ROCK1: variants seen among roughly 807,000 people sequenced by gnomAD.
ROCK1 encodes rho-associated protein kinase 1.
A neutral mutation model predicts 196.8 loss-of-function variants in ROCK1; 36 were observed. The ratio of observed to expected loss-of-function variants is 0.18; its 90% CI spans 0.14 to 0.24. The LOEUF is 0.24. ROCK1 is among the 10% of genes least tolerant of loss of function. The pLI is 1.00. For missense variants in ROCK1, 920 were observed against 1,562.0 expected, an observed-to-expected ratio of 0.59 and a Z score of 6.93; for synonymous variants, 443 against 515.9, an observed-to-expected ratio of 0.86 and a Z score of 1.91.
chr18:21,059,436 C>T (rs745631384), intron 2 of ROCK1, among the ~76,000 whole-genome samples: 34 of 152,220 alleles, frequency 2.2e-4, no homozygotes, highest in Admixed American at 1.8e-3. Context: ...TCTTCTATTA[C>T]GTTGTATGTC....
chr18:21,020,769 AATATG>A (rs1383406163), intron 11 of ROCK1, among the ~76,000 whole-genome samples: 1 of 152,218 alleles, frequency 6.6e-6, no homozygotes, highest in African/African-American at 2.4e-5. Context: ...GGCAGAAGAA[AATATG>A]ATATATTTGG....
Position 20,948,390 on chromosome 18 carries a change from A to C in ROCK1, c.*2994T>G, listed in dbSNP as rs2035149979. 6.6e-6 allele frequency: 1 copy of C among 151,226 alleles called. No homozygotes were observed. The highest frequency in any genetic ancestry group is 6.6e-5 in the Admixed American group (1 of 15,252). 9.4% of individuals were successfully genotyped at this position (151,226 alleles called of 1,614,324 possible). A position where few individuals can be genotyped will look rare whatever the true frequency, so the allele number is the denominator to read the frequency against. On this transcript the variant is annotated 3_prime_UTR_variant, in exon 33 of 33. Coordinates refer to ENST00000399799, the MANE Select transcript of ROCK1 (RefSeq NM_005406.3). ...TGATCTCTACCTCACTCTGAATTCC[A>C]GATTGATTATAGAACTGTGAAAGTT...
intron 27 of ROCK1, among the ~76,000 whole-genome samples, chr18:20,964,898 T>A (rs2035358656): frequency 6.6e-6 from 1 of 152,136 alleles, no homozygotes; most frequent in African/African-American, 2.4e-5. Context: ...GTAAAATTAA[T>A]CACTTTCCTC....
intron 1 of ROCK1, among the ~76,000 whole-genome samples, chr18:21,096,540 T>C (rs1390923327): frequency 6.6e-6 from 1 of 152,130 alleles, no homozygotes; most frequent in Non-Finnish European, 1.5e-5. Context: ...CACTTACAAC[T>C]GAAAGAGTCC....
At chr18:21,090,399 G>A (rs1351467580) in intron 1 of ROCK1, among the ~76,000 whole-genome samples, 4 of 152,122 alleles carry the variant, frequency 2.6e-5, no homozygotes, top group Non-Finnish European at 5.9e-5. Context: ...GGAGGTTGAG[G>A]CTGTAGTGAA....
chr18:21,013,251 T>C (rs2035833824), intron 13 of ROCK1, among the ~76,000 whole-genome samples: 1 of 152,244 alleles, frequency 6.6e-6, no homozygotes, highest in Non-Finnish European at 1.5e-5. Flanking sequence ...CCTCTGACAC[T>C]GTTCTGGTGA....
intron 1 of ROCK1, among the ~76,000 whole-genome samples, chr18:21,088,859 C>T (rs951401733): frequency 2.6e-5 from 4 of 152,070 alleles, no homozygotes; most frequent in African/African-American, 9.7e-5. Context: ...AGAGACTAGA[C>T]CCTCATCAGA....
At chr18:21,040,236 T>A (rs919595010) in intron 8 of ROCK1, among the ~76,000 whole-genome samples, 2 of 152,024 alleles carry the variant, frequency 1.3e-5, no homozygotes, top group African/African-American at 4.8e-5. Flanking sequence ...AAAGTTAGGC[T>A]TTTTTTTCCC....
At chr18:21,082,110 AT>A (rs58714897) in intron 1 of ROCK1, among the ~76,000 whole-genome samples, 28 of 146,106 alleles carry the variant, frequency 1.9e-4, no homozygotes, top group Admixed American at 2.7e-4. Context: ...CACCTGGTTA[AT>A]TTTTTTTTTT....
At chr18:21,041,777 T>A (rs2036109392) in intron 8 of ROCK1, among the ~76,000 whole-genome samples, 1 of 152,066 alleles carries the variant, frequency 6.6e-6, no homozygotes, top group Admixed American at 6.5e-5. Flanking sequence ...TTCAGAGATG[T>A]TATGTTAAAA....
chr18:21,019,752 C>T (rs1463284438), intron 12 of ROCK1, among the ~76,000 whole-genome samples: 1 of 150,418 alleles, frequency 6.6e-6, no homozygotes, highest in Non-Finnish European at 1.5e-5. Flanking sequence ...GAGCCAAGAT[C>T]GTGCCACTGC....
chr18:21,023,599 T>C, intron 11 of ROCK1, 21 bp downstream of exon 11: 1 of 1,349,096 alleles, frequency 7.4e-7, no homozygotes, highest in South Asian at 1.4e-5. Context: ...ACAATTTTCT[T>C]AATACTAAGA....
intron 16 of ROCK1, among the ~76,000 whole-genome samples, chr18:21,005,686 G>A (rs770123885): frequency 1.4e-4 from 21 of 152,126 alleles, no homozygotes; most frequent in Non-Finnish European, 2.6e-4. Flanking sequence ...AGACCAGCCT[G>A]GGCAAAATGG....
At chr18:20,959,018 ATAT>A (rs1398392295) in intron 29 of ROCK1, among the ~76,000 whole-genome samples, 1 of 71,708 alleles carries the variant, frequency 1.4e-5, no homozygotes, top group Non-Finnish European at 2.4e-5. Flanking sequence ...TATATAATAT[ATAT>A]AATATATATA....
intron 1 of ROCK1, among the ~76,000 whole-genome samples, chr18:21,101,312 T>G (rs1354342335): frequency 6.6e-6 from 1 of 152,232 alleles, no homozygotes; most frequent in African/African-American, 2.4e-5. Flanking sequence ...GAAAGGTTAA[T>G]GAACGATTCT....
At chr18:21,033,854 T>TTA (rs1245853091) in intron 9 of ROCK1, among the ~76,000 whole-genome samples, 1 of 33,464 alleles carries the variant, frequency 3.0e-5, no homozygotes, top group African/African-American at 1.1e-4. Context: ...CCGTTTCTAC[T>TTA]AAAAAAAAAA....
intron 1 of ROCK1, among the ~76,000 whole-genome samples, chr18:21,081,704 A>G (rs2036483942): frequency 6.6e-6 from 1 of 152,190 alleles, no homozygotes; most frequent in Admixed American, 6.5e-5. Context: ...TCTACAAATA[A>G]TTGTAATAGA....
intron 17 of ROCK1, 41 bp downstream of exon 17, chr18:20,992,790 A>G: frequency 1.7e-6 from 2 of 1,143,920 alleles, no homozygotes; most frequent in Middle Eastern, 2.2e-4. Context: ...ATAATCAGTA[A>G]TTACTATTTT....
chr18:20,964,236 T>C (rs910986324), intron 27 of ROCK1, among the ~76,000 whole-genome samples: 2 of 152,186 alleles, frequency 1.3e-5, no homozygotes, highest in African/African-American at 4.8e-5. Context: ...CGTATATTCA[T>C]TTACTTATTT....
Sources: gnomAD v4.1 joint callset for allele counts (sites outside exome capture counted in the v4.1 genomes callset) on GRCh38, gnomAD v4.1.1 for gene constraint, MANE v1.5 for transcripts, NCBI Gene and HGNC (gene_info 2026-07-23, HGNC 2026-07-21) for gene names.